Variants in SCHIP1 observed in about 807,000 individuals in gnomAD.
SCHIP1 encodes the protein schwannomin-interacting protein 1.
A neutral mutation model predicts 29.7 loss-of-function variants in SCHIP1; 8 were observed. The observed-to-expected ratio is 0.27, with a 90% CI of 0.16 to 0.49. SCHIP1 has a LOEUF of 0.49. Among genes scored for constraint, SCHIP1 ranks in the 20% least tolerant of loss-of-function variants. SCHIP1 has a pLI of 0.99. For missense variants in SCHIP1, 193 were observed against 294.6 expected (o/e 0.66, Z 2.52); for synonymous variants, 76 against 94.9 (o/e 0.80, Z 1.16).
the SCHIP1 span, among the ~76,000 whole-genome samples, chr3:159,800,344 T>TA: frequency 2.6e-5 from 4 of 152,292 alleles, no homozygotes; most frequent in East Asian, 7.7e-4. Flanking sequence ...GGATATCTCT[T>TA]ACCAGGATAA....
the SCHIP1 span, among the ~76,000 whole-genome samples, chr3:159,289,780 G>C: frequency 6.6e-6 from 1 of 152,186 alleles, no homozygotes; most frequent in Non-Finnish European, 1.5e-5. Context: ...GAATCCACCA[G>C]ATGCTGCAGC....
At chr3:159,718,121 G>T in the SCHIP1 span, among the ~76,000 whole-genome samples, 520 of 152,214 alleles carry the variant, frequency 3.4e-3, 5 homozygotes, top group African/African-American at 0.012. Flanking sequence ...CAGAACCAAA[G>T]ACAAAAACCA....
chr3:159,413,544 A>G, the SCHIP1 span, among the ~76,000 whole-genome samples: 1 of 152,168 alleles, frequency 6.6e-6, no homozygotes, highest in Non-Finnish European at 1.5e-5. Flanking sequence ...GGAGCTGGGG[A>G]TGAGTGGTAA....
At chr3:159,749,098 C>T in the SCHIP1 span, among the ~76,000 whole-genome samples, 1 of 151,858 alleles carries the variant, frequency 6.6e-6, no homozygotes, top group Non-Finnish European at 1.5e-5. Flanking sequence ...ATGATAAAAC[C>T]CCATCTCCAT....
the SCHIP1 span, among the ~76,000 whole-genome samples, chr3:159,784,330 G>A: frequency 1.3e-4 from 20 of 152,338 alleles, no homozygotes; most frequent in East Asian, 3.9e-4. Context: ...GCCTTTGAGC[G>A]AAGACATTTT....
the SCHIP1 span, among the ~76,000 whole-genome samples, chr3:159,652,430 T>C: frequency 1.5e-4 from 23 of 152,174 alleles, no homozygotes; most frequent in African/African-American, 5.3e-4. Flanking sequence ...TGAAAAATTA[T>C]CTTTACCTAA....
At chr3:159,450,176 T>C in the SCHIP1 span, among the ~76,000 whole-genome samples, 1 of 152,190 alleles carries the variant, frequency 6.6e-6, no homozygotes, top group African/African-American at 2.4e-5. Flanking sequence ...AAATATTGTC[T>C]CATATTCAAT....
rs184482417 is a variant in SCHIP1, at chr3:159,895,020, A to G, written c.684-1703A>G. Among the ~76,000 whole-genome samples, 44 of 152,314 alleles carry G rather than the reference A, an allele frequency of 2.9e-4. No homozygotes were observed. The East Asian group carries it at 6.7e-3, about 23-fold the overall frequency. Reference sequence around the variant, plus strand: ...TACATAGTAGTATATTTTAAAAATTACTGTGAGAACTGTAATTAGCTACAG... The same window carrying G: ...TACATAGTAGTATATTTTAAAAATTGCTGTGAGAACTGTAATTAGCTACAG... On this transcript the variant is annotated intron_variant, in intron 6 of 6. Coordinates refer to ENST00000445224, the Ensembl canonical transcript of SCHIP1.
chr3:159,869,030 G>A (rs925551616), intron 2 of SCHIP1, among the ~76,000 whole-genome samples: 3 of 151,968 alleles, frequency 2.0e-5, no homozygotes, highest in Non-Finnish European at 2.9e-5. Context: ...TATATTAGCC[G>A]TATTTGTTTT....
chr3:159,614,191 G>A, the SCHIP1 span, among the ~76,000 whole-genome samples: 1 of 152,060 alleles, frequency 6.6e-6, no homozygotes, highest in African/African-American at 2.4e-5. Context: ...GAATAGTGTG[G>A]GTTTTGGGAA....
chr3:159,764,818 G>T, the SCHIP1 span: 1 of 1,586,290 alleles, frequency 6.3e-7, no homozygotes, highest in East Asian at 2.4e-5. This position sits in a 1 kb window ranked among gnomAD's most constrained non-coding sequence, Gnocchi z 6.1. Context: ...GCCGCCCCCG[G>T]TGCCCAACGG....
At chr3:159,548,460 G>A in the SCHIP1 span, among the ~76,000 whole-genome samples, 476 of 151,472 alleles carry the variant, frequency 3.1e-3, 2 homozygotes, top group Middle Eastern at 0.031. Flanking sequence ...TGGTCATATC[G>A]GCTCTCTCTC....
At position 159,844,836 on chromosome 3, in the gene SCHIP1, G is replaced by C. The variant is rs551760008; in HGVS notation, c.30+4622G>C. On this transcript the variant is annotated intron_variant, in intron 1 of 6. Coordinates refer to ENST00000445224, the Ensembl canonical transcript of SCHIP1. ...CCATTGCTTAAATTCCCTTATGACC[G>C]CCCCAGATATAGATCACACCCTGAC... 3.3e-5 allele frequency among the ~76,000 whole-genome samples: 5 copies of C among 152,188 alleles called. No homozygotes were observed. The South Asian group carries it at 1.0e-3, about 32-fold the overall frequency.
intron 2 of SCHIP1, among the ~76,000 whole-genome samples, chr3:159,883,671 A>G (rs1431129392): frequency 5.3e-5 from 8 of 152,188 alleles, no homozygotes; most frequent in Non-Finnish European, 1.0e-4. Context: ...CTGTTATGTC[A>G]TATAATTTCC....
the SCHIP1 span, among the ~76,000 whole-genome samples, chr3:159,806,936 T>C: frequency 6.6e-6 from 1 of 152,232 alleles, no homozygotes; most frequent in Admixed American, 6.5e-5. Context: ...CATTGTGCCC[T>C]AAAGTATTGT....
chr3:159,587,893 A>G, the SCHIP1 span, among the ~76,000 whole-genome samples: 1 of 152,140 alleles, frequency 6.6e-6, no homozygotes. Context: ...GTTGGTTCCA[A>G]GTCTTTGCTA....
In SCHIP1 at chr3:159,879,855, A is replaced by T. The variant is rs1220626664; in HGVS notation, c.150-6352A>T. Among the ~76,000 whole-genome samples the T allele has an allele frequency of 5.3e-5, 8 of 152,296 alleles. No homozygotes were observed. The South Asian group carries it at 1.7e-3, about 32-fold the overall frequency. On this transcript the variant is annotated intron_variant, in intron 2 of 6. Transcript: ENST00000445224. ...ACAGGGGCGATGTTTCTCCAAAGAA[A>T]AGCTGGTGAGTGATAGTTTCCCTTT... is the stretch of plus-strand genomic sequence containing the variant.
At chr3:159,376,965 G>C in the SCHIP1 span, among the ~76,000 whole-genome samples, 2 of 152,182 alleles carry the variant, frequency 1.3e-5, no homozygotes, top group Non-Finnish European at 2.9e-5. Flanking sequence ...GATTAATTTT[G>C]TAAGCTTGGA....
the SCHIP1 span, among the ~76,000 whole-genome samples, chr3:159,501,003 A>G: frequency 4.7e-4 from 72 of 152,322 alleles, no homozygotes; most frequent in African/African-American, 1.6e-3. Context: ...TAGTGATGCT[A>G]TACTGTACAC....
Sources: allele counts gnomAD v4.1 joint callset (sites outside exome capture counted in the v4.1 genomes callset), GRCh38; gene constraint gnomAD v4.1.1; non-coding constraint Gnocchi (gnomAD v3.1); transcripts MANE v1.5; gene names NCBI Gene and HGNC (gene_info 2026-07-23, HGNC 2026-07-21).